KIF5C: variants seen among roughly 807,000 people sequenced by gnomAD.
KIF5C encodes kinesin family member 5C.
Under a neutral mutation model 125.2 loss-of-function variants are expected in KIF5C, and 18 were observed. The ratio of observed to expected loss-of-function variants is 0.14; its 90% CI spans 0.10 to 0.21. The LOEUF (loss-of-function observed/expected upper bound fraction) is 0.21. Among genes scored for constraint, KIF5C ranks in the 10% least tolerant of loss-of-function variants. The probability of loss-of-function intolerance (pLI) is 1.00; values close to 1 mark genes in which losing one functional copy is unlikely to be tolerated. For missense variants in KIF5C, 780 were observed against 1,183.8 expected (o/e 0.66, Z 5.01); for synonymous variants, 405 against 434.0 (o/e 0.93, Z 0.83).
intron 22 of KIF5C, among the ~76,000 whole-genome samples, 169 bp from the exon 23 acceptor site, chr2:149,007,794 A>C (rs1682053237): frequency 1.3e-5 from 2 of 152,076 alleles, no homozygotes; most frequent in South Asian, 4.1e-4. Flanking sequence ...CATACTAATA[A>C]GGGAAATTAA....
intron 11 of KIF5C, 132 bp downstream of exon 11, chr2:148,962,251 T>C: frequency 7.6e-7 from 1 of 1,311,704 alleles, no homozygotes; most frequent in Non-Finnish European, 1.0e-6. Flanking sequence ...CCGCAACCTC[T>C]GCCTCCAGGG....
At position 148,998,322 on chromosome 2, in the gene KIF5C, G is replaced by T. The variant is rs1681738590; in HGVS notation, c.2101-78G>T. 2.6e-6 allele frequency: 4 copies of T among 1,544,046 alleles called. No individual in the cohort carries two copies. The African/African-American group carries it at 5.5e-5, about 21-fold the overall frequency. Reference sequence around the variant, plus strand: ...CTGAGGGACACAGGGAAGGAGGTAGGTCCAGATCCAGGGCTTGTCACAGAG... The same window carrying T: ...CTGAGGGACACAGGGAAGGAGGTAGTTCCAGATCCAGGGCTTGTCACAGAG... On this transcript the variant is annotated intron_variant, in intron 18 of 25. Coordinates refer to ENST00000435030, the MANE Select transcript of KIF5C (RefSeq NM_004522.3).
intron 1 of KIF5C, among the ~76,000 whole-genome samples, chr2:148,912,455 A>G (rs933365398): frequency 6.6e-6 from 1 of 152,212 alleles, no homozygotes; most frequent in Non-Finnish European, 1.5e-5. Context: ...ATGTGTGTAT[A>G]TATGTTGGAG....
At chr2:149,000,574 T>G (rs896679869) in intron 20 of KIF5C, 50 bp downstream of exon 20, 1 of 1,552,828 alleles carries the variant, frequency 6.4e-7, no homozygotes, top group African/African-American at 1.4e-5. Flanking sequence ...CCCATGATAT[T>G]CTGGTTAGAT....
intron 19 of KIF5C, among the ~76,000 whole-genome samples, chr2:148,999,445 G>A (rs1681783854): frequency 6.6e-6 from 1 of 152,180 alleles, no homozygotes; most frequent in Non-Finnish European, 1.5e-5. Flanking sequence ...CCGCTCGAAA[G>A]GTGCATTTGC....
rs777601616 is a variant in KIF5C at position 148,998,810 on chromosome 2, GA to G, written c.2210+302del. On this transcript the variant is annotated intron_variant, in intron 19 of 25. Coordinates refer to ENST00000435030, the MANE Select transcript of KIF5C (RefSeq NM_004522.3). ...GACGCATGCCCCAGTAGATGGGGGGGAGCATCTGTAATGAAAGCACCAAAAA... is the reference window on the plus strand; with the variant it reads ...GACGCATGCCCCAGTAGATGGGGGGGGCATCTGTAATGAAAGCACCAAAAA... The G allele has an allele frequency of 3.7e-3, 907 of 243,846 alleles. 8 individuals are homozygous for G. Among genetic ancestry groups the G allele is most frequent in the African/African-American group, 0.02 (807 of 40,684 alleles). The allele number at this position is 243,846 out of a possible 1,614,324, so 15.1% of individuals were successfully genotyped here. A position where few individuals can be genotyped will look rare whatever the true frequency, so the allele number is the denominator to read the frequency against.
At chr2:148,998,594 C>A in intron 19 of KIF5C, 85 bp downstream of exon 19, 1 of 1,529,562 alleles carries the variant, frequency 6.5e-7, no homozygotes, top group Admixed American at 2.0e-5. Context: ...GGCTCTTAGT[C>A]GAGGGCCCTG....
intron 8 of KIF5C, chr2:148,947,586 C>T (rs533887002): frequency 3.0e-5 from 8 of 265,566 alleles, no homozygotes; most frequent in Non-Finnish European, 5.9e-5. Context: ...CAGCGGCAAG[C>T]CTTTACTGTT....
chr2:148,894,000 GCA>G (rs370218411), intron 1 of KIF5C, among the ~76,000 whole-genome samples: 11 of 151,766 alleles, frequency 7.2e-5, no homozygotes, highest in African/African-American at 2.4e-4. Context: ...GGATAGAAGT[GCA>G]CACACACACA....
At chr2:148,932,745 CAGCCGTCCCGCCAAGCCTGCCAAGTGAT>C (rs1682207236) in intron 3 of KIF5C, among the ~76,000 whole-genome samples, 1 of 152,150 alleles carries the variant, frequency 6.6e-6, no homozygotes, top group Admixed American at 6.5e-5. Flanking sequence ...ACAGGCTTCC[CAGCCGTCCCGCCAAGCCTGCCAAGTGAT>C]TTTGAACTAA....
intron 3 of KIF5C, among the ~76,000 whole-genome samples, chr2:148,932,878 G>C (rs1291877967): frequency 2.0e-5 from 3 of 152,112 alleles, no homozygotes; most frequent in Non-Finnish European, 4.4e-5. Flanking sequence ...GAGGCAACTG[G>C]GGCTGGAACA....
intron 1 of KIF5C, among the ~76,000 whole-genome samples, chr2:148,914,950 C>A (rs75935322): frequency 0.063 from 9,597 of 152,248 alleles, 396 homozygotes; most frequent in Middle Eastern, 0.18. Flanking sequence ...AATGAGTAGA[C>A]CCTGGAGAGG....
intron 1 of KIF5C, among the ~76,000 whole-genome samples, chr2:148,911,205 G>T (rs753180964): frequency 7.2e-5 from 11 of 152,190 alleles, no homozygotes; most frequent in Non-Finnish European, 1.6e-4. Flanking sequence ...TATGGAAACG[G>T]AAGGTGCAAA....
chr2:148,942,659 T>G lies in KIF5C; in HGVS notation c.502-14T>G. 6.2e-7 allele frequency: 1 copy of G among 1,604,880 alleles called. No homozygotes were observed. Among genetic ancestry groups the G allele is most frequent in the African/African-American group, 1.3e-5 (1 of 74,946 alleles). ...AACTCTTTCAGTGGTGAACCTGAAC[T>G]GATTCTCTTCCAGGGGTGCACTGAG... On this transcript the variant is annotated splice_polypyrimidine_tract_variant and intron_variant, in intron 6 of 25. Coordinates refer to ENST00000435030, the MANE Select transcript of KIF5C (RefSeq NM_004522.3).
At chr2:148,903,488 A>G (rs1450910237) in intron 1 of KIF5C, among the ~76,000 whole-genome samples, 1 of 152,092 alleles carries the variant, frequency 6.6e-6, no homozygotes, top group East Asian at 1.9e-4. Flanking sequence ...ATGCGAACAC[A>G]CCCTTACTGC....
chr2:149,021,676 A>G (rs1682538152), intron 25 of KIF5C, among the ~76,000 whole-genome samples: 1 of 152,134 alleles, frequency 6.6e-6, no homozygotes, highest in African/African-American at 2.4e-5. Flanking sequence ...CTAGAGGCAA[A>G]ACAGAAAGCA....
At chr2:148,928,005 C>A (rs1433453457) in intron 2 of KIF5C, among the ~76,000 whole-genome samples, 1 of 152,072 alleles carries the variant, frequency 6.6e-6, no homozygotes, top group Non-Finnish European at 1.5e-5. Context: ...TCTTTTCTTA[C>A]CTTCCTAAAA....
chr2:148,981,751 A>G (rs1184702165), intron 14 of KIF5C, among the ~76,000 whole-genome samples, 190 bp downstream of exon 14: 1 of 152,114 alleles, frequency 6.6e-6, no homozygotes, highest in Non-Finnish European at 1.5e-5. Flanking sequence ...TCTTCCTGGA[A>G]CTGCATATCA....
chr2:148,901,816 A>G (rs532595170), intron 1 of KIF5C, among the ~76,000 whole-genome samples: 1 of 152,256 alleles, frequency 6.6e-6, no homozygotes, highest in South Asian at 2.1e-4. Flanking sequence ...TCAATCTCTG[A>G]CATTTCAGAG....
Sources: gnomAD v4.1 joint callset for allele counts (sites outside exome capture counted in the v4.1 genomes callset) on GRCh38, gnomAD v4.1.1 for gene constraint, MANE v1.5 for transcripts, NCBI Gene and HGNC (gene_info 2026-07-23, HGNC 2026-07-21) for gene names.